Variants in DPP6 observed in about 807,000 individuals in gnomAD.
The protein encoded by DPP6 is A-type potassium channel modulatory protein DPP6.
In DPP6, 69 loss-of-function variants were observed where a neutral mutation model predicts 122.6. The observed-to-expected ratio is 0.56, with a 90% confidence interval of 0.46 to 0.69. DPP6 has a LOEUF of 0.69. Among genes scored for constraint, DPP6 ranks in the 30% least tolerant of loss-of-function variants. The probability of loss-of-function intolerance (pLI) is 0.00; values close to 1 mark genes in which losing one functional copy is unlikely to be tolerated. For missense variants in DPP6, 928 were observed against 1,116.9 expected, an observed-to-expected ratio of 0.83 and a Z score of 2.41; for synonymous variants, 418 against 433.1, an observed-to-expected ratio of 0.97 and a Z score of 0.43.
chr7:154,638,451 T>A (rs1162042349), intron 6 of DPP6, among the ~76,000 whole-genome samples: 1 of 152,200 alleles, frequency 6.6e-6, no homozygotes, highest in Non-Finnish European at 1.5e-5. Flanking sequence ...TCTTGTTTTA[T>A]TGTCCTTTCT....
chr7:153,790,404 A>G, the DPP6 span, among the ~76,000 whole-genome samples: 2 of 152,224 alleles, frequency 1.3e-5, no homozygotes, highest in Admixed American at 6.5e-5. Flanking sequence ...ATTAAAAAGT[A>G]TAAACTGGCA....
intron 18 of DPP6, among the ~76,000 whole-genome samples, chr7:154,871,747 C>A (rs914157032): frequency 5.9e-5 from 9 of 152,108 alleles, no homozygotes; most frequent in African/African-American, 2.2e-4. Flanking sequence ...GGCTGCCCAG[C>A]CAGCCACCCA....
intron 17 of DPP6, 86 bp downstream of exon 17, chr7:154,853,913 C>G (rs1802607771): frequency 6.4e-7 from 1 of 1,561,220 alleles, no homozygotes; most frequent in African/African-American, 1.4e-5. Flanking sequence ...GGCCCACATT[C>G]TCCTACTCAG....
At chr7:154,056,977 T>C (rs1800879945) in intron 1 of DPP6, among the ~76,000 whole-genome samples, 1 of 152,240 alleles carries the variant, frequency 6.6e-6, no homozygotes, top group Non-Finnish European at 1.5e-5. Flanking sequence ...ATTACTCTCA[T>C]CACCAATAGG....
intron 16 of DPP6, among the ~76,000 whole-genome samples, chr7:154,818,203 T>C (rs1025091777): frequency 3.3e-5 from 5 of 152,104 alleles, no homozygotes; most frequent in African/African-American, 1.2e-4. Context: ...GAGACGCAGA[T>C]TGAGACTCGG....
At chr7:154,440,505 G>A (rs900542338) in intron 1 of DPP6, among the ~76,000 whole-genome samples, 5 of 152,118 alleles carry the variant, frequency 3.3e-5, no homozygotes, top group South Asian at 2.1e-4. Context: ...ACTGGCTTGC[G>A]TTTCCACCTC....
intron 1 of DPP6, among the ~76,000 whole-genome samples, chr7:154,299,731 C>G (rs889464571): frequency 6.6e-6 from 1 of 152,158 alleles, no homozygotes; most frequent in Non-Finnish European, 1.5e-5. Flanking sequence ...GCAAATCAGC[C>G]GGCAGGCCTA....
At chr7:154,890,019 G>A (rs1806471143) in intron 25 of DPP6, 1 of 159,328 alleles carries the variant, frequency 6.3e-6, no homozygotes, top group Non-Finnish European at 1.4e-5. Flanking sequence ...AGTGAAAGAG[G>A]GGTACCCTTC....
chr7:154,695,084 A>G (rs927929182), intron 7 of DPP6, among the ~76,000 whole-genome samples: 1 of 152,234 alleles, frequency 6.6e-6, no homozygotes, highest in African/African-American at 2.4e-5. Flanking sequence ...AGCAAGTGAT[A>G]TTAGGAAGAC....
intron 5 of DPP6, among the ~76,000 whole-genome samples, chr7:154,611,228 A>G (rs1230348236): frequency 3.3e-5 from 5 of 152,192 alleles, no homozygotes. Flanking sequence ...ATAAGGTGGA[A>G]TCTTTTTGAT....
chr7:154,379,562 T>C (rs1023981819), intron 1 of DPP6, among the ~76,000 whole-genome samples: 5 of 152,120 alleles, frequency 3.3e-5, no homozygotes, highest in African/African-American at 7.2e-5. Context: ...GTAAAGAGAA[T>C]AGAAAGCTTG....
intron 3 of DPP6, among the ~76,000 whole-genome samples, chr7:154,521,673 C>T (rs1826991993): frequency 1.3e-5 from 2 of 152,320 alleles, no homozygotes; most frequent in South Asian, 4.2e-4. Context: ...AATTTCCAAG[C>T]TGTGATTATT....
chr7:153,865,298 A>G, the DPP6 span, among the ~76,000 whole-genome samples: 1 of 152,232 alleles, frequency 6.6e-6, no homozygotes, highest in Non-Finnish European at 1.5e-5. Context: ...CTCATTCAAA[A>G]CAACAACCAC....
intron 1 of DPP6, among the ~76,000 whole-genome samples, chr7:154,324,867 A>ATTTTTT (rs143944650): frequency 0.029 from 3,262 of 112,980 alleles, 185 homozygotes; most frequent in African/African-American, 0.043. Flanking sequence ...TCCTTTTGTT[A>ATTTTTT]TTTTTTTTTT....
chr7:153,853,558 G>A, the DPP6 span, among the ~76,000 whole-genome samples: 1 of 152,198 alleles, frequency 6.6e-6, no homozygotes, highest in Non-Finnish European at 1.5e-5. Context: ...CTTCTATTAA[G>A]GAAATACCTC....
At chr7:153,867,543 A>AT in the DPP6 span, among the ~76,000 whole-genome samples, 3 of 152,288 alleles carry the variant, frequency 2.0e-5, no homozygotes, top group East Asian at 3.9e-4. Context: ...GCTTAAGGAG[A>AT]TTTTGGGCTG....
intron 10 of DPP6, chr7:154,793,790 G>A (rs1056174236): frequency 3.5e-5 from 10 of 284,958 alleles, no homozygotes; most frequent in African/African-American, 1.3e-4. Context: ...CAAAACCCAC[G>A]GAGCAGCCCC....
intron 1 of DPP6, among the ~76,000 whole-genome samples, chr7:154,194,543 G>A (rs568696129): frequency 6.6e-5 from 10 of 152,224 alleles, no homozygotes; most frequent in South Asian, 4.2e-4. Context: ...ACCTCACCTC[G>A]CTCCTCCCAG....
At chr7:154,558,015 G>T (rs1830165149) in intron 4 of DPP6, among the ~76,000 whole-genome samples, 1 of 151,906 alleles carries the variant, frequency 6.6e-6, no homozygotes. Flanking sequence ...TGTTACGTAG[G>T]TATACACGTG....
Sources: allele counts gnomAD v4.1 joint callset (sites outside exome capture counted in the v4.1 genomes callset), GRCh38; gene constraint gnomAD v4.1.1; transcripts MANE v1.5; gene names NCBI Gene and HGNC (gene_info 2026-07-23, HGNC 2026-07-21).